Variants in DNAH5 observed in about 807,000 individuals in gnomAD.
DNAH5 encodes the protein axonemal beta dynein heavy chain 5.
A neutral mutation model predicts 518.2 loss-of-function variants in DNAH5; 372 were observed. That is an observed-to-expected ratio of 0.72 (90% CI 0.66 to 0.78). The LOEUF (loss-of-function observed/expected upper bound fraction) is 0.78. Ranked by LOEUF, DNAH5 falls within the 30% of genes least tolerant of loss-of-function variation. The pLI is 0.00. For missense variants in DNAH5, 5,523 were observed against 5,687.0 expected (o/e 0.97, Z 0.93); for synonymous variants, 2,039 against 2,025.9 (o/e 1.01, Z -0.17).
chr5:13,898,801 CA>C lies in DNAH5; in HGVS notation c.2259+1404del, dbSNP rs1346650248. ...ACTATGAAATTTTAACAATGGTTTCCATGTTGTCAGATTCCATGGCCGCATC... is the reference window on the plus strand; with the variant it reads ...ACTATGAAATTTTAACAATGGTTTCCTGTTGTCAGATTCCATGGCCGCATC... On this transcript the variant is annotated intron_variant, in intron 15 of 78. Transcript: ENST00000265104. The C allele has an allele frequency of 1.8e-5, 7 of 393,810 alleles. No homozygotes were observed. The East Asian group carries it at 2.5e-4, about 14-fold the overall frequency. 24.4% of individuals were successfully genotyped at this position (393,810 alleles called of 1,614,324 possible).
At chr5:13,781,325 C>T (rs771365830) in intron 52 of DNAH5, among the ~76,000 whole-genome samples, 1 of 152,148 alleles carries the variant, frequency 6.6e-6, no homozygotes, top group Non-Finnish European at 1.5e-5. Context: ...GGAAGGAGAA[C>T]AGAAATGTCA....
chr5:13,783,887 C>G (rs1020802180), intron 52 of DNAH5, among the ~76,000 whole-genome samples: 1 of 152,144 alleles, frequency 6.6e-6, no homozygotes, highest in East Asian at 1.9e-4. Flanking sequence ...AAGACAGGGC[C>G]AGCCGGGAAG....
intron 42 of DNAH5, among the ~76,000 whole-genome samples, chr5:13,817,123 A>G (rs572182258): frequency 1.3e-5 from 2 of 152,272 alleles, no homozygotes; most frequent in Non-Finnish European, 2.9e-5. Context: ...GCTATATACA[A>G]TTTTCTCTCC....
At chr5:13,845,060 A>T in intron 31 of DNAH5, 67 bp from the exon 32 acceptor site, 2 of 1,484,976 alleles carry the variant, frequency 1.3e-6, no homozygotes, top group Non-Finnish European at 1.9e-6. Context: ...GAATAAATTA[A>T]CCTGGATGGG....
chr5:13,964,401 G>A (rs929326797), intron 1 of DNAH5, among the ~76,000 whole-genome samples: 2 of 152,166 alleles, frequency 1.3e-5, no homozygotes, highest in Non-Finnish European at 2.9e-5. Flanking sequence ...CTGGGTAAAT[G>A]GCAAGAAAGG....
rs1489246363 is a variant in DNAH5, at chr5:13,855,498, G to A, written c.4950+3954C>T. Among the ~76,000 whole-genome samples the A allele has an allele frequency of 4.6e-5, 7 of 150,818 alleles. 2 individuals carry two copies. Among genetic ancestry groups the A allele is most frequent in the African/African-American group, 7.3e-5 (3 of 40,990 alleles). Reference sequence around the variant, plus strand: ...GCTGGGATTACAGGCGTGAGCCACCGCGCCCGGCCATAAATCTTACATTTT... The same window carrying A: ...GCTGGGATTACAGGCGTGAGCCACCACGCCCGGCCATAAATCTTACATTTT... On this transcript the variant is annotated intron_variant, in intron 30 of 78. Transcript: ENST00000265104.
At chr5:13,890,791 C>A (rs978498987) in intron 17 of DNAH5, among the ~76,000 whole-genome samples, 185 bp downstream of exon 17, 1 of 152,034 alleles carries the variant, frequency 6.6e-6, no homozygotes, top group Non-Finnish European at 1.5e-5. Flanking sequence ...GCTAAGTGAC[C>A]GCTTACTTAG....
chr5:13,903,426 G>A (rs910713775), intron 12 of DNAH5, among the ~76,000 whole-genome samples: 1 of 151,868 alleles, frequency 6.6e-6, no homozygotes, highest in Non-Finnish European at 1.5e-5. Flanking sequence ...GAAAGGCTGA[G>A]AATTTTCCAC....
intron 1 of DNAH5, among the ~76,000 whole-genome samples, chr5:14,010,548 G>A (rs1785042138): frequency 6.6e-6 from 1 of 152,034 alleles, no homozygotes; most frequent in Non-Finnish European, 1.5e-5. Flanking sequence ...TCATTTCAGG[G>A]TCCCATTTTC....
chr5:13,901,280 A>G lies in DNAH5; in HGVS notation c.2024T>C (p.Val675Ala), dbSNP rs1432966380. The G allele has an allele frequency of 1.2e-6, 2 of 1,614,048 alleles. No individual in the cohort carries two copies. The highest frequency in any genetic ancestry group is 2.7e-5 in the African/African-American group (2 of 75,034). Reference protein sequence around the residue: ...RMAKVLLEFEVLFHRAWLRQI... With the variant: ...RMAKVLLEFEALFHRAWLRQI... ...CCGAAGCCACGCCCTGTGGAAGAGG[A>G]CCTCAAACTCCAGGAGGACCTTGGC... The change falls in exon 14 of 79, where the codon GTC becomes GCC. Residue 675 changes from valine to alanine, a missense_variant. Physicochemically the swap from Val to Ala is moderately conservative, Grantham distance 64. Transcript: ENST00000265104.
intron 1 of DNAH5, among the ~76,000 whole-genome samples, chr5:13,983,630 G>A (rs533165370): frequency 6.6e-6 from 1 of 152,166 alleles, no homozygotes; most frequent in African/African-American, 2.4e-5. Flanking sequence ...TGGGGTCCTG[G>A]ACCATGCTTT....
At chr5:13,776,308 C>A in intron 55 of DNAH5, 131 bp downstream of exon 55, 1 of 1,244,038 alleles carries the variant, frequency 8.0e-7, no homozygotes, top group East Asian at 2.3e-5. Context: ...TGAGATTAAA[C>A]CTCTGTGCCT....
chr5:13,793,623 T>C lies in DNAH5; in HGVS notation c.8116A>G (p.Met2706Val), dbSNP rs772405475. 3.7e-6 allele frequency: 6 copies of C among 1,614,076 alleles called. No homozygotes were observed. Among genetic ancestry groups the C allele is most frequent in the Admixed American group, 3.3e-5 (2 of 59,998 alleles). ...TTGCGTCCACCACCAGGATGGATCA[T>C]GGCTGCCAAAAACTGGATGTCCACG... ...SIVDIQFLAA[M>V]IHPGGGRNDI... Residue 2706 changes from methionine to valine, a missense_variant, in exon 49 of 79, where the codon ATG (methionine) becomes GTG (valine). Coordinates refer to ENST00000265104, the MANE Select transcript of DNAH5 (RefSeq NM_001369.3).
chr5:13,876,848 C>T (rs1770964607), intron 21 of DNAH5, 31 bp from the exon 22 acceptor site: 1 of 1,604,762 alleles, frequency 6.2e-7, no homozygotes, highest in African/African-American at 1.3e-5. Flanking sequence ...GAAAACTTTA[C>T]ACTACTCACA....
intron 55 of DNAH5, among the ~76,000 whole-genome samples, chr5:13,774,301 A>G (rs74413807): frequency 0.21 from 31,676 of 151,978 alleles, 4,107 homozygotes; most frequent in Middle Eastern, 0.33. Flanking sequence ...GGTGTTGATG[A>G]CAAAGGGGTC....
At chr5:13,753,665 A>G in intron 62 of DNAH5, 116 bp from the exon 63 acceptor site, 1 of 960,134 alleles carries the variant, frequency 1.0e-6, no homozygotes, top group Non-Finnish European at 1.5e-6. Flanking sequence ...AAATTCCACA[A>G]ATCAAACTGG....
intron 32 of DNAH5, among the ~76,000 whole-genome samples, chr5:13,842,960 T>TA (rs1275179975): frequency 1.3e-5 from 2 of 152,208 alleles, no homozygotes; most frequent in Non-Finnish European, 2.9e-5. Context: ...GAAAGACACT[T>TA]AAATTATCTT....
intron 68 of DNAH5, among the ~76,000 whole-genome samples, chr5:13,734,538 C>G (rs1276970692): frequency 6.6e-6 from 1 of 152,152 alleles, no homozygotes; most frequent in Non-Finnish European, 1.5e-5. Flanking sequence ...TCATCCGCTT[C>G]ACTCATCACC....
rs1040135421 is a variant in DNAH5, at chr5:13,707,907, C to T, written c.13338+216G>A. On this transcript the variant is annotated intron_variant, in intron 76 of 78. Transcript: ENST00000265104. This position sits in a 1 kb window ranked among gnomAD's most constrained non-coding sequence, Gnocchi z 4.0. ...AATACAAAATTTAAGTAAAATAACG[C>T]ATGTAAATGCCCTAGCAGAGAACCT... 4.6e-5 allele frequency among the ~76,000 whole-genome samples: 7 copies of T among 152,104 alleles called. No homozygotes were observed. The highest frequency in any genetic ancestry group is 1.7e-4 in the African/African-American group (7 of 41,408).
Sources: gnomAD v4.1 joint callset for allele counts (sites outside exome capture counted in the v4.1 genomes callset) on GRCh38, gnomAD v4.1.1 for gene constraint, Gnocchi (gnomAD v3.1) non-coding constraint, MANE v1.5 for transcripts, NCBI Gene and HGNC (gene_info 2026-07-23, HGNC 2026-07-21) for gene names.